The following PLCXD2 variants were observed in gnomAD, a reference collection of about 807,000 sequenced individuals.
PLCXD2 encodes the protein phosphatidylinositol specific phospholipase C X domain containing 2.
A neutral mutation model predicts 28.6 loss-of-function variants in PLCXD2; 21 were observed. That is an observed-to-expected ratio of 0.73 (90% CI 0.52 to 1.06). The LOEUF is 1.06. PLCXD2 is among the 50% of genes least tolerant of loss of function. The probability of loss-of-function intolerance (pLI) is 0.00; values close to 1 mark genes in which losing one functional copy is unlikely to be tolerated. For synonymous variants in PLCXD2, 140 were observed against 150.1 expected, an observed-to-expected ratio of 0.93 and a Z score of 0.49; for missense variants, 369 against 376.7, an observed-to-expected ratio of 0.98 and a Z score of 0.17.
chr3:111,707,660 T>C (rs1207153703), intron 1 of PLCXD2, among the ~76,000 whole-genome samples: 1 of 152,222 alleles, frequency 6.6e-6, no homozygotes, highest in Admixed American at 6.5e-5. Flanking sequence ...CTAAATAGCT[T>C]TGCAAAAGGA....
In PLCXD2 at chr3:111,705,029, C is replaced by T. The variant is rs184569277; in HGVS notation, c.164-2897C>T. ...ACAGGGTTTCATCATATTGGCCAGG[C>T]TGGTCTCAAACTCCTGACCTGAAGT... is the stretch of plus-strand genomic sequence containing the variant. On this transcript the variant is annotated intron_variant, in intron 1 of 4. Transcript: ENST00000477665. Among the ~76,000 whole-genome samples, 162 of 152,170 alleles carry T rather than the reference C, an allele frequency of 1.1e-3. No homozygotes were observed. The Middle Eastern group carries it at 0.02, about 19-fold the overall frequency.
rs143680710 is a variant in PLCXD2 at position 111,713,816 on chromosome 3, G to A, written c.625-71G>A. The stretch of plus-strand genomic sequence containing the variant: ...TTTCTTGCCTTTTTCCTAGCAGTCC[G>A]TATAAAACGGAGGAGTTAACATTCA... On this transcript the variant is annotated intron_variant, in intron 2 of 4. Coordinates refer to ENST00000477665, the MANE Select transcript of PLCXD2 (RefSeq NM_001185106.1). 1,734 of 1,514,364 alleles carry A rather than the reference G, an allele frequency of 1.1e-3. 10 individuals are homozygous for A. In the African/African-American group the frequency reaches 0.018, roughly 16 times the overall value. 93.8% of individuals were successfully genotyped at this position (1,514,364 alleles called of 1,614,324 possible).
intron 1 of PLCXD2, among the ~76,000 whole-genome samples, chr3:111,688,075 T>G (rs1940822460): frequency 6.6e-6 from 1 of 152,226 alleles, no homozygotes; most frequent in African/African-American, 2.4e-5. Flanking sequence ...TCCTCGCTAC[T>G]ATTAATAGTT....
chr3:111,686,186 CCT>C (rs1211491057), intron 1 of PLCXD2, among the ~76,000 whole-genome samples: 1 of 152,154 alleles, frequency 6.6e-6, no homozygotes, highest in Admixed American at 6.5e-5. Context: ...ACCCTGTAAA[CCT>C]CTGATTTACT....
chr3:111,692,163 G>A (rs951988786), intron 1 of PLCXD2, among the ~76,000 whole-genome samples: 1 of 151,994 alleles, frequency 6.6e-6, no homozygotes, highest in Non-Finnish European at 1.5e-5. Flanking sequence ...AGCTTCAGCC[G>A]CCCGAGTAGC....
rs1941335153 is a variant in PLCXD2 at position 111,720,717 on chromosome 3, G to A, written c.866+6589G>A. On this transcript the variant is annotated intron_variant, in intron 3 of 4. Transcript: ENST00000477665. ...CTCTCTTCCTCCAACACTTTCCTCT[G>A]TATAGGAATCTTCCTGCCATCCTGG... 4.8e-6 allele frequency: 2 copies of A among 416,690 alleles called. No individual in the cohort carries two copies. Among genetic ancestry groups the A allele is most frequent in the African/African-American group, 4.1e-5 (2 of 48,690 alleles). 25.8% of individuals were successfully genotyped at this position (416,690 alleles called of 1,614,324 possible).
intron 3 of PLCXD2, among the ~76,000 whole-genome samples, chr3:111,715,384 G>A (rs1941254636): frequency 6.6e-6 from 1 of 152,076 alleles, no homozygotes; most frequent in Admixed American, 6.6e-5. Context: ...CACCTAGGAA[G>A]AGCTAGGTAC....
At chr3:111,689,329 A>G (rs1940841597) in intron 1 of PLCXD2, among the ~76,000 whole-genome samples, 1 of 152,226 alleles carries the variant, frequency 6.6e-6, no homozygotes, top group Admixed American at 6.5e-5. Context: ...GGAGAAGGAA[A>G]TGGGAAAGTT....
At chr3:111,695,678 G>T (rs181281544) in intron 1 of PLCXD2, among the ~76,000 whole-genome samples, 17 of 152,286 alleles carry the variant, frequency 1.1e-4, no homozygotes, top group Non-Finnish European at 1.5e-5. Flanking sequence ...TCTGTTGATG[G>T]TTATATTGGT....
chr3:111,696,292 A>G (rs573398099), intron 1 of PLCXD2, among the ~76,000 whole-genome samples: 2 of 152,338 alleles, frequency 1.3e-5, no homozygotes, highest in African/African-American at 4.8e-5. Flanking sequence ...AGCTAGCATC[A>G]TATGAATTAC....
At chr3:111,712,983 GGCCAGTT>G (rs1399922971) in intron 2 of PLCXD2, among the ~76,000 whole-genome samples, 1 of 152,164 alleles carries the variant, frequency 6.6e-6, no homozygotes, top group Non-Finnish European at 1.5e-5. Flanking sequence ...TCCCTGTGGA[GGCCAGTT>G]GCCTCTGCAA....
intron 3 of PLCXD2, among the ~76,000 whole-genome samples, chr3:111,718,892 T>C (rs1559799199): frequency 6.6e-6 from 1 of 152,230 alleles, no homozygotes; most frequent in Non-Finnish European, 1.5e-5. Context: ...ATTATCACAT[T>C]GAATTTTCAT....
intron 1 of PLCXD2, among the ~76,000 whole-genome samples, chr3:111,680,917 G>C (rs1316457261): frequency 6.6e-6 from 1 of 151,922 alleles, no homozygotes; most frequent in Non-Finnish European, 1.5e-5. Flanking sequence ...CACAAAATAA[G>C]CACTAGATAA....
intron 1 of PLCXD2, among the ~76,000 whole-genome samples, chr3:111,703,676 T>G (rs934379007): frequency 2.0e-4 from 31 of 152,198 alleles, no homozygotes; most frequent in African/African-American, 7.0e-4. Flanking sequence ...ACCATCTATA[T>G]CTAATGTATT....
At chr3:111,705,063 C>T (rs1370334307) in intron 1 of PLCXD2, among the ~76,000 whole-genome samples, 1 of 152,036 alleles carries the variant, frequency 6.6e-6, no homozygotes, top group African/African-American at 2.4e-5. Flanking sequence ...GTGATCTGCC[C>T]GCCTCGGCCT....
chr3:111,705,069 G>A (rs552794057), intron 1 of PLCXD2, among the ~76,000 whole-genome samples: 26 of 151,944 alleles, frequency 1.7e-4, no homozygotes, highest in South Asian at 6.3e-4. Flanking sequence ...TGCCCGCCTC[G>A]GCCTCCCAAA....
At chr3:111,703,227 G>A (rs1373404253) in intron 1 of PLCXD2, among the ~76,000 whole-genome samples, 1 of 152,188 alleles carries the variant, frequency 6.6e-6, no homozygotes, top group African/African-American at 2.4e-5. Flanking sequence ...ATGCAGGGAT[G>A]GTGCTGGGCA....
intron 1 of PLCXD2, among the ~76,000 whole-genome samples, chr3:111,689,905 TATA>T (rs1328803184): frequency 1.3e-5 from 2 of 152,272 alleles, no homozygotes; most frequent in East Asian, 3.9e-4. Flanking sequence ...TAAGAACAAG[TATA>T]ATAATAATAA....
chr3:111,726,717 C>T (rs1333617247), intron 3 of PLCXD2: 2 of 152,084 alleles, frequency 1.3e-5, no homozygotes, highest in African/African-American at 4.8e-5. Context: ...GTATATATCT[C>T]GTCTTCTTTC....
Sources: gnomAD v4.1 joint callset for allele counts (sites outside exome capture counted in the v4.1 genomes callset) on GRCh38, gnomAD v4.1.1 for gene constraint, MANE v1.5 for transcripts, NCBI Gene and HGNC (gene_info 2026-07-23, HGNC 2026-07-21) for gene names.